Variants in BCL2L13 observed in about 807,000 individuals in gnomAD.
The protein encoded by BCL2L13 is bcl-2-like protein 13.
In BCL2L13, 13 loss-of-function variants were observed where a neutral mutation model predicts 25.8. The ratio of observed to expected loss-of-function variants is 0.50; its 90% CI spans 0.33 to 0.80. BCL2L13 has a LOEUF of 0.80. BCL2L13 is among the 30% of genes least tolerant of loss of function. The probability of loss-of-function intolerance (pLI) is 0.02; values close to 1 mark genes in which losing one functional copy is unlikely to be tolerated. For synonymous variants in BCL2L13, 244 were observed against 230.3 expected, an observed-to-expected ratio of 1.06 and a Z score of -0.54; for missense variants, 504 against 574.9, an observed-to-expected ratio of 0.88 and a Z score of 1.26.
intron 6 of BCL2L13, among the ~76,000 whole-genome samples, chr22:17,715,463 T>A (rs1048477993): frequency 2.6e-5 from 4 of 151,546 alleles, no homozygotes; most frequent in Non-Finnish European, 5.9e-5. Flanking sequence ...ATTACAGGCG[T>A]CAGCCACTGC....
In BCL2L13 at chr22:17,681,909, A is replaced by G. The variant is rs143612258; in HGVS notation, c.122-1305A>G. 4.8e-3 allele frequency among the ~76,000 whole-genome samples: 724 copies of G among 152,242 alleles called. 9 individuals are homozygous for G. Among genetic ancestry groups the G allele is most frequent in the African/African-American group, 0.017 (689 of 41,524 alleles). ...CACCTGCAAACTGAGGATAATAGTAATACCTATCTCAAAGGGTTGTTATGA... is the reference window on the plus strand; with the variant it reads ...CACCTGCAAACTGAGGATAATAGTAGTACCTATCTCAAAGGGTTGTTATGA... On this transcript the variant is annotated intron_variant, in intron 2 of 6. Coordinates refer to ENST00000317582, the MANE Select transcript of BCL2L13 (RefSeq NM_015367.4).
intron 2 of BCL2L13, among the ~76,000 whole-genome samples, chr22:17,665,017 T>TA (rs758889520): frequency 6.6e-6 from 1 of 152,236 alleles, no homozygotes; most frequent in Non-Finnish European, 1.5e-5. Context: ...GGCTTCTTGT[T>TA]ACTGGTGCAA....
intron 6 of BCL2L13, among the ~76,000 whole-genome samples, chr22:17,715,148 ATATATATATATATATATATATATTTTT>A (rs869174352): frequency 0.14 from 1,425 of 10,438 alleles, 92 homozygotes; most frequent in Non-Finnish European, 0.18. Flanking sequence ...ATATATATAT[ATATATATATATATATATATATATTTTT>A]TTTTTTTTTT....
chr22:17,632,634 C>T (rs1027461187), intron 1 of BCL2L13, among the ~76,000 whole-genome samples: 7 of 151,944 alleles, frequency 4.6e-5, no homozygotes, highest in African/African-American at 1.5e-4. Flanking sequence ...AAACAGCAGT[C>T]TAATTCTACA....
chr22:17,706,296 C>T (rs987237906), intron 6 of BCL2L13, among the ~76,000 whole-genome samples: 1 of 151,884 alleles, frequency 6.6e-6, no homozygotes, highest in African/African-American at 2.4e-5. Flanking sequence ...AGGCATGCGC[C>T]ACCTTGCCCA....
chr22:17,720,319 GGT>G (rs1053109359), intron 6 of BCL2L13, among the ~76,000 whole-genome samples: 3 of 151,806 alleles, frequency 2.0e-5, no homozygotes, highest in Non-Finnish European at 2.9e-5. Context: ...TGGGACTACA[GGT>G]GTACATCACC....
At chr22:17,674,446 A>G (rs962232652) in intron 2 of BCL2L13, among the ~76,000 whole-genome samples, 6 of 151,972 alleles carry the variant, frequency 3.9e-5, no homozygotes, top group African/African-American at 1.4e-4. Flanking sequence ...CTCTACTAAA[A>G]ATATAGGAAA....
At chr22:17,694,311 TA>T (rs2060200556) in intron 4 of BCL2L13, among the ~76,000 whole-genome samples, 1 of 152,086 alleles carries the variant, frequency 6.6e-6, no homozygotes, top group Non-Finnish European at 1.5e-5. Flanking sequence ...TTGGTATGAC[TA>T]GGACTTACAT....
chr22:17,686,635 T>C (rs901697845), intron 3 of BCL2L13, among the ~76,000 whole-genome samples: 4 of 151,612 alleles, frequency 2.6e-5, no homozygotes, highest in Admixed American at 6.6e-5. Flanking sequence ...CTCAGCCTCC[T>C]GAGTAGCTGG....
intron 5 of BCL2L13, among the ~76,000 whole-genome samples, chr22:17,700,248 A>G (rs1230460701): frequency 1.3e-5 from 2 of 152,140 alleles, no homozygotes; most frequent in Non-Finnish European, 2.9e-5. Flanking sequence ...GAATAAGAGA[A>G]TAGTGGATTT....
upstream of BCL2L13, among the ~76,000 whole-genome samples, chr22:17,635,911 G>A (rs1328339430): frequency 3.3e-5 from 5 of 151,416 alleles, no homozygotes; most frequent in African/African-American, 9.7e-5. Flanking sequence ...GGGTTTCACT[G>A]TGTTGGCCAG....
chr22:17,655,478 G>T (rs1455422001), intron 1 of BCL2L13, among the ~76,000 whole-genome samples, 184 bp from the exon 2 acceptor site: 2 of 147,624 alleles, frequency 1.4e-5, no homozygotes, highest in Non-Finnish European at 3.0e-5. Context: ...AGGCTGGAGT[G>T]CAGTGGCTTG....
rs1397702703 is a variant in BCL2L13, at chr22:17,684,697, A to G, written c.229+1376A>G. On this transcript the variant is annotated intron_variant, in intron 3 of 6. Transcript: ENST00000317582. ...TCCTGTCTCAGCCTCCTGAGTAGCCAGGATTACAGGTATGTGCCACCAAAC... is the reference window on the plus strand; with the variant it reads ...TCCTGTCTCAGCCTCCTGAGTAGCCGGGATTACAGGTATGTGCCACCAAAC... 6 of 423,318 alleles carry G rather than the reference A, an allele frequency of 1.4e-5. No homozygotes were observed. The Admixed American group carries it at 1.6e-4, about 11-fold the overall frequency. 26.2% of individuals were successfully genotyped at this position (423,318 alleles called of 1,614,324 possible).
rs532175720 is a variant in BCL2L13, at chr22:17,680,187, C to T, written c.122-3027C>T. 3.1e-5 allele frequency among the ~76,000 whole-genome samples: 4 copies of T among 128,892 alleles called. No individual in the cohort carries two copies. In the South Asian group the frequency reaches 9.5e-4, roughly 31 times the overall value. The allele number at this position is 128,892 out of a possible 152,430, so 84.6% of individuals were successfully genotyped here. Reference sequence around the variant, plus strand: ...CCGAGATTGTGCTATTGCACTCCAGCCTGGGCAGCAAGGGCGTAACTCTCT... The same window carrying T: ...CCGAGATTGTGCTATTGCACTCCAGTCTGGGCAGCAAGGGCGTAACTCTCT... On this transcript the variant is annotated intron_variant, in intron 2 of 6. Transcript: ENST00000317582.
intron 1 of BCL2L13, among the ~76,000 whole-genome samples, chr22:17,630,909 CCTTA>C (rs2058000825): frequency 6.6e-6 from 1 of 151,258 alleles, no homozygotes; most frequent in South Asian, 2.1e-4. Context: ...TTTTTAATAA[CCTTA>C]CTTTTTAACC....
chr22:17,697,722 G>A (rs915155322), intron 5 of BCL2L13, among the ~76,000 whole-genome samples: 5 of 152,198 alleles, frequency 3.3e-5, no homozygotes, highest in African/African-American at 1.2e-4. Context: ...GTATTAGTAT[G>A]TTACCTATCG....
At position 17,728,617 on chromosome 22, in the gene BCL2L13, G is replaced by C. The variant is rs1289855812; in HGVS notation, c.*1083G>C. 1 of 152,114 alleles carries C rather than the reference G, an allele frequency of 6.6e-6. No homozygotes were observed. Among genetic ancestry groups the C allele is most frequent in the East Asian group, 1.9e-4 (1 of 5,192 alleles). The allele number at this position is 152,114 out of a possible 1,614,324, so 9.4% of individuals were successfully genotyped here. On this transcript the variant is annotated 3_prime_UTR_variant, in exon 7 of 7. Coordinates refer to ENST00000317582, the MANE Select transcript of BCL2L13 (RefSeq NM_015367.4). ...ATGAGTTCTATGGGTCTCTTGCTAG[G>C]GGGTAAGGATTTTTATTCTTGGGCT...
At chr22:17,665,991 C>T (rs2146582575) in intron 2 of BCL2L13, among the ~76,000 whole-genome samples, 1 of 152,208 alleles carries the variant, frequency 6.6e-6, no homozygotes, top group East Asian at 1.9e-4. Context: ...GGGAGCACAG[C>T]TGCTGGGTCG....
chr22:17,682,317 T>C (rs577754653), intron 2 of BCL2L13, among the ~76,000 whole-genome samples: 2 of 152,264 alleles, frequency 1.3e-5, no homozygotes, highest in Non-Finnish European at 2.9e-5. Context: ...GTGTGCTTTG[T>C]GGACTTAAGC....
Sources: gnomAD v4.1 joint callset for allele counts (sites outside exome capture counted in the v4.1 genomes callset) on GRCh38, gnomAD v4.1.1 for gene constraint, MANE v1.5 for transcripts, NCBI Gene and HGNC (gene_info 2026-07-23, HGNC 2026-07-21) for gene names.